PRELID2: variants seen among roughly 807,000 people sequenced by gnomAD.
PRELID2 encodes the protein PRELI domain-containing protein 2.
In PRELID2, 25 loss-of-function variants were observed where a neutral mutation model predicts 28.4. The observed-to-expected ratio is 0.88, with a 90% CI of 0.64 to 1.23. PRELID2 has a LOEUF of 1.23. PRELID2 is among the 50% of genes most tolerant of loss of function. The pLI, the probability that PRELID2 is intolerant of heterozygous loss-of-function variation, is 0.00. For missense variants in PRELID2, 201 were observed against 214.4 expected (o/e 0.94, Z 0.39); for synonymous variants, 76 against 71.6 (o/e 1.06, Z -0.31).
chr5:145,737,513 T>C (rs531089407), intron 1 of PRELID2, among the ~76,000 whole-genome samples: 17 of 152,226 alleles, frequency 1.1e-4, no homozygotes, highest in African/African-American at 4.1e-4. Flanking sequence ...AGAACAACAC[T>C]GCTGTAAGTT....
chr5:145,586,690 G>C (rs570492642), intron 1 of PRELID2, among the ~76,000 whole-genome samples: 2 of 152,078 alleles, frequency 1.3e-5, no homozygotes, highest in Non-Finnish European at 2.9e-5. Flanking sequence ...CCATATATCC[G>C]ACATCTCTGA....
chr5:145,763,231 T>C (rs1329952549), intron 6 of PRELID2, among the ~76,000 whole-genome samples: 1 of 152,218 alleles, frequency 6.6e-6, no homozygotes, highest in Non-Finnish European at 1.5e-5. Context: ...TGCCTAAGCA[T>C]GCAAGTACAA....
At chr5:145,389,923 T>C in the PRELID2 span, among the ~76,000 whole-genome samples, 1 of 152,228 alleles carries the variant, frequency 6.6e-6, no homozygotes, top group Non-Finnish European at 1.5e-5. Flanking sequence ...ACAATGCTAG[T>C]AATTGTGTGG....
rs372944117 is a variant in PRELID2 at position 145,801,961 on chromosome 5, C to T, written c.369-5414G>A. Among the ~76,000 whole-genome samples, 31 of 152,302 alleles carry T rather than the reference C, an allele frequency of 2.0e-4. No individual in the cohort carries two copies. The South Asian group carries it at 6.4e-3, about 32-fold the overall frequency. On this transcript the variant is annotated intron_variant, in intron 4 of 6. Transcript: ENST00000683046. ...TCTCCAGGACCATTGCAAAGTGCCTCCCAATGGGGTCCCTGTCTCCAGCAT... is the reference window on the plus strand; with the variant it reads ...TCTCCAGGACCATTGCAAAGTGCCTTCCAATGGGGTCCCTGTCTCCAGCAT...
chr5:145,736,221 C>A (rs1756492050), intron 1 of PRELID2, among the ~76,000 whole-genome samples: 1 of 152,176 alleles, frequency 6.6e-6, no homozygotes. Context: ...ACAGTGGGAT[C>A]ACATATTTGT....
At chr5:145,780,887 T>G (rs1452884445) in intron 5 of PRELID2, among the ~76,000 whole-genome samples, 1 of 152,158 alleles carries the variant, frequency 6.6e-6, no homozygotes. Context: ...CTTTGGAAAT[T>G]CAGAGATGGT....
chr5:145,550,878 G>T (rs1167292373), intron 1 of PRELID2, among the ~76,000 whole-genome samples: 3 of 152,012 alleles, frequency 2.0e-5, no homozygotes, highest in Non-Finnish European at 4.4e-5. Flanking sequence ...TAGATAATCT[G>T]CTCTTGGGGT....
chr5:145,711,541 C>T (rs1755695619), intron 1 of PRELID2, among the ~76,000 whole-genome samples: 1 of 152,176 alleles, frequency 6.6e-6, no homozygotes, highest in South Asian at 2.1e-4. Flanking sequence ...TCTGCAGCCA[C>T]CTGCCAAGTC....
the PRELID2 span, among the ~76,000 whole-genome samples, chr5:145,415,616 T>C: frequency 6.6e-6 from 1 of 150,884 alleles, no homozygotes; most frequent in African/African-American, 2.4e-5. Flanking sequence ...GAACTCATCA[T>C]TTTTTATGGC....
intron 5 of PRELID2, among the ~76,000 whole-genome samples, chr5:145,782,910 C>A (rs1751729641): frequency 6.6e-6 from 1 of 152,042 alleles, no homozygotes; most frequent in Non-Finnish European, 1.5e-5. Flanking sequence ...AATGACCTAC[C>A]CAGTTAAGTC....
rs1758507462 is a variant in PRELID2, at chr5:145,777,787, G to T, written c.475-12787C>A. Among the ~76,000 whole-genome samples, 4 of 152,080 alleles carry T rather than the reference G, an allele frequency of 2.6e-5. No individual in the cohort carries two copies. In the South Asian group the frequency reaches 8.3e-4, roughly 32 times the overall value. ...CAGCTGCAACCGCCCAAAGCACACT[G>T]CAAACCAAGGCTTCCCTACACTCTT... On this transcript the variant is annotated intron_variant, in intron 5 of 6. Coordinates refer to ENST00000683046, the MANE Select transcript of PRELID2 (RefSeq NM_205846.3).
the PRELID2 span, among the ~76,000 whole-genome samples, chr5:145,263,528 G>A: frequency 2.6e-5 from 4 of 151,792 alleles, no homozygotes; most frequent in South Asian, 8.3e-4. Context: ...AAAATTAAAA[G>A]ATAAATGAAA....
the PRELID2 span, among the ~76,000 whole-genome samples, chr5:145,385,270 G>A: frequency 6.6e-6 from 1 of 152,228 alleles, no homozygotes; most frequent in South Asian, 2.1e-4. Flanking sequence ...CTTTCCCGAA[G>A]GACTTTTCAG....
At chr5:145,584,914 A>C (rs761960411) in intron 1 of PRELID2, among the ~76,000 whole-genome samples, 12 of 152,202 alleles carry the variant, frequency 7.9e-5, no homozygotes, top group Non-Finnish European at 1.5e-4. Flanking sequence ...ATATCATTTG[A>C]CTAAGCAATC....
the PRELID2 span, among the ~76,000 whole-genome samples, chr5:145,301,930 CT>C: frequency 0.017 from 1,819 of 110,164 alleles, 9 homozygotes; most frequent in African/African-American, 0.023. Flanking sequence ...TTATTCATTT[CT>C]TTTTTTTTTT....
chr5:145,741,049 T>C (rs1251808994), intron 1 of PRELID2, among the ~76,000 whole-genome samples: 1 of 117,700 alleles, frequency 8.5e-6, no homozygotes, highest in African/African-American at 3.4e-5. Flanking sequence ...TGTATACAAA[T>C]AAAATATGTA....
intron 4 of PRELID2, among the ~76,000 whole-genome samples, chr5:145,797,890 A>T (rs1752875664): frequency 6.6e-6 from 1 of 152,100 alleles, no homozygotes; most frequent in African/African-American, 2.4e-5. Flanking sequence ...AGAAACAGAG[A>T]TCTATGAATT....
At chr5:145,639,668 T>C (rs959987274) in intron 1 of PRELID2, among the ~76,000 whole-genome samples, 6 of 152,214 alleles carry the variant, frequency 3.9e-5, no homozygotes, top group Non-Finnish European at 8.8e-5. Context: ...TGGAAACTAT[T>C]CAAATCCAAT....
At chr5:145,711,130 G>A (rs1755683027) in intron 1 of PRELID2, among the ~76,000 whole-genome samples, 1 of 152,128 alleles carries the variant, frequency 6.6e-6, no homozygotes, top group Non-Finnish European at 1.5e-5. Context: ...GCTTTTAGAA[G>A]TAATTTTCCA....
Sources: gnomAD v4.1 joint callset for allele counts (sites outside exome capture counted in the v4.1 genomes callset) on GRCh38, gnomAD v4.1.1 for gene constraint, MANE v1.5 for transcripts, NCBI Gene and HGNC (gene_info 2026-07-23, HGNC 2026-07-21) for gene names.